The following ARID3A variants were observed in gnomAD, a reference collection of about 807,000 sequenced individuals.
ARID3A encodes AT-rich interactive domain-containing protein 3A.
Under a neutral mutation model 52.7 loss-of-function variants are expected in ARID3A, and 11 were observed. That is an observed-to-expected ratio of 0.21 (90% confidence interval 0.13 to 0.35). The LOEUF is 0.35. Ranked by LOEUF, ARID3A falls within the 10% of genes least tolerant of loss-of-function variation. The probability of loss-of-function intolerance (pLI) is 1.00; values close to 1 mark genes in which losing one functional copy is unlikely to be tolerated. For synonymous variants in ARID3A, 404 were observed against 359.4 expected (o/e 1.12, Z -1.40); for missense variants, 721 against 838.5 (o/e 0.86, Z 1.73).
rs1267593200 is a variant in ARID3A at position 960,576 on chromosome 19, C to T, written c.766+412C>T. Among the ~76,000 whole-genome samples, 1 of 152,164 alleles carries T rather than the reference C, an allele frequency of 6.6e-6. No homozygotes were observed. The highest frequency in any genetic ancestry group is 1.9e-4 in the East Asian group (1 of 5,180). On this transcript the variant is annotated intron_variant, in intron 4 of 8. Coordinates refer to ENST00000263620, the MANE Select transcript of ARID3A (RefSeq NM_005224.3). The surrounding 1 kb of genome is among the most constrained non-coding windows in gnomAD (Gnocchi z 4.3). ...CCAGGTGGGTGCAGGTGCGGCAGGACAGAAGCCCCCCGCCCGGCCGCGAGA... is the reference window on the plus strand; with the variant it reads ...CCAGGTGGGTGCAGGTGCGGCAGGATAGAAGCCCCCCGCCCGGCCGCGAGA...
chr19:931,407 G>A (rs2238572), intron 2 of ARID3A, among the ~76,000 whole-genome samples: 51,340 of 148,400 alleles, frequency 0.35, 11,027 homozygotes, highest in African/African-American at 0.59. Flanking sequence ...AGCCGAGATC[G>A]TGCCTTTGCA....
chr19:946,636 T>G (rs2037688710), intron 3 of ARID3A, among the ~76,000 whole-genome samples: 1 of 152,082 alleles, frequency 6.6e-6, no homozygotes, highest in South Asian at 2.1e-4. Flanking sequence ...AGATGGGGTT[T>G]CACCATGTTG....
chr19:932,950 G>A (rs1362788450), intron 3 of ARID3A, among the ~76,000 whole-genome samples: 1 of 152,220 alleles, frequency 6.6e-6, no homozygotes, highest in African/African-American at 2.4e-5. Flanking sequence ...GGATGTGTGA[G>A]GAGCACCCGG....
At chr19:930,701 G>C (rs2037305408) in intron 2 of ARID3A, among the ~76,000 whole-genome samples, 1 of 150,686 alleles carries the variant, frequency 6.6e-6, no homozygotes. Flanking sequence ...AGTAGAGACG[G>C]GGTTTCACCA....
chr19:953,277 A>G (rs1039550478), intron 3 of ARID3A, among the ~76,000 whole-genome samples: 1 of 152,052 alleles, frequency 6.6e-6, no homozygotes, highest in Non-Finnish European at 1.5e-5. Flanking sequence ...GAAAATCATC[A>G]ACGTTTCGCC....
At chr19:949,767 T>G (rs1486847957) in intron 3 of ARID3A, among the ~76,000 whole-genome samples, 1 of 150,126 alleles carries the variant, frequency 6.7e-6, no homozygotes, top group African/African-American at 2.5e-5. Flanking sequence ...TCTCTGCCTC[T>G]CAGGTTCAAG....
At chr19:971,835 T>G (rs1468325528) in intron 8 of ARID3A, 43 bp from the exon 9 acceptor site, 21 of 1,557,928 alleles carry the variant, frequency 1.3e-5, no homozygotes, top group Non-Finnish European at 1.7e-5. Context: ...GCCTCGCATC[T>G]TCTTAAACTC....
intron 3 of ARID3A, among the ~76,000 whole-genome samples, chr19:951,347 G>A (rs2037799701): frequency 6.6e-6 from 1 of 151,684 alleles, no homozygotes; most frequent in African/African-American, 2.4e-5. Flanking sequence ...ACAAGGTCAG[G>A]AGTTCAAGAC....
chr19:963,282 CTG>C (rs1195312130), intron 4 of ARID3A, among the ~76,000 whole-genome samples: 1 of 152,266 alleles, frequency 6.6e-6, no homozygotes, highest in African/African-American at 2.4e-5. Context: ...CCTGCCCTCA[CTG>C]GTCTTCACTG....
intron 8 of ARID3A, among the ~76,000 whole-genome samples, chr19:969,944 C>T (rs980652395): frequency 2.0e-5 from 3 of 151,948 alleles, no homozygotes; most frequent in Admixed American, 6.6e-5. Flanking sequence ...CCGCCTGCCT[C>T]GGCCTCCCAA....
rs2037965390 is a variant in ARID3A, at chr19:958,358, G to A, written c.694-1734G>A. Among the ~76,000 whole-genome samples, 5 of 143,338 alleles carry A rather than the reference G, an allele frequency of 3.5e-5. No individual in the cohort carries two copies. The South Asian group carries it at 1.1e-3, about 32-fold the overall frequency. The allele number at this position is 143,338 out of a possible 152,430, so 94.0% of individuals were successfully genotyped here. A position where few individuals can be genotyped will look rare whatever the true frequency, so the allele number is the denominator to read the frequency against. ...CAGGAGAATGGCGTGAACCCGGGAG[G>A]TGGAGCTTGCAGTGGGCCAAGATCG... On this transcript the variant is annotated intron_variant, in intron 3 of 8. Coordinates refer to ENST00000263620, the MANE Select transcript of ARID3A (RefSeq NM_005224.3).
intron 7 of ARID3A, 84 bp downstream of exon 7, chr19:966,952 C>T: frequency 7.2e-7 from 1 of 1,397,524 alleles, no homozygotes; most frequent in Middle Eastern, 2.7e-4. Context: ...GTAAAGAGTG[C>T]CAACAAATCA....
At position 941,465 on chromosome 19, in the gene ARID3A, C is replaced by T. The variant is rs548276734; in HGVS notation, c.693+8723C>T. Among the ~76,000 whole-genome samples, 9 of 152,324 alleles carry T rather than the reference C, an allele frequency of 5.9e-5. No homozygotes were observed. In the Middle Eastern group the frequency reaches 0.01, roughly 173 times the overall value. On this transcript the variant is annotated intron_variant, in intron 3 of 8. Coordinates refer to ENST00000263620, the MANE Select transcript of ARID3A (RefSeq NM_005224.3). The surrounding 1 kb of genome is among the most constrained non-coding windows in gnomAD (Gnocchi z 6.9). ...GCCTGCGTGTCCCCAGCCAGCACCA[C>T]GGTGTTCGTTTAGGTCTCTGTGTGC... is the stretch of plus-strand genomic sequence containing the variant.
rs781252359 is a variant in ARID3A at position 972,098 on chromosome 19, A to T, written c.*33A>T. 1.5e-5 allele frequency: 22 copies of T among 1,500,334 alleles called. No homozygotes were observed. The highest frequency in any genetic ancestry group is 1.8e-5 in the Non-Finnish European group (20 of 1,128,498). The allele number at this position is 1,500,334 out of a possible 1,614,324, so 92.9% of individuals were successfully genotyped here. ...ACTCCCCACCCGCCACCCACCCTGGAGCCCGCCGGCCTGGGCAGGGGGTCC... is the reference window on the plus strand; with the variant it reads ...ACTCCCCACCCGCCACCCACCCTGGTGCCCGCCGGCCTGGGCAGGGGGTCC... On this transcript the variant is annotated 3_prime_UTR_variant, in exon 9 of 9. Coordinates refer to ENST00000263620, the MANE Select transcript of ARID3A (RefSeq NM_005224.3).
intron 3 of ARID3A, among the ~76,000 whole-genome samples, chr19:935,758 C>T (rs558352271): frequency 2.0e-5 from 3 of 152,070 alleles, no homozygotes; most frequent in Admixed American, 6.5e-5. Flanking sequence ...CGTGAGCCAC[C>T]GCACCCCACC....
At chr19:948,264 G>A (rs942168127) in intron 3 of ARID3A, among the ~76,000 whole-genome samples, 1 of 151,472 alleles carries the variant, frequency 6.6e-6, no homozygotes, top group South Asian at 2.1e-4. Context: ...CACAGGAGGT[G>A]CTCAATAATG....
In ARID3A at chr19:944,809, G is replaced by C. The variant is rs1387019218; in HGVS notation, c.693+12067G>C. 6.6e-6 allele frequency among the ~76,000 whole-genome samples: 1 copy of C among 152,050 alleles called. No homozygotes were observed. Among genetic ancestry groups the C allele is most frequent in the African/African-American group, 2.4e-5 (1 of 41,400 alleles). On this transcript the variant is annotated intron_variant, in intron 3 of 8. Transcript: ENST00000263620. This position sits in a 1 kb window ranked among gnomAD's most constrained non-coding sequence, Gnocchi z 5.9. The stretch of plus-strand genomic sequence containing the variant: ...CCCGGCTAACTTCATTTTATTTTTT[G>C]GAGACAGGGTCTTGCTGCGTTGCCC...
intron 3 of ARID3A, among the ~76,000 whole-genome samples, chr19:949,362 C>T (rs567310228): frequency 4.0e-5 from 6 of 151,384 alleles, no homozygotes; most frequent in Admixed American, 2.6e-4. Context: ...GGGCCTCCGC[C>T]GTGCCAGATA....
chr19:935,272 G>A (rs752568563), intron 3 of ARID3A, among the ~76,000 whole-genome samples: 6 of 150,992 alleles, frequency 4.0e-5, no homozygotes, highest in Non-Finnish European at 7.3e-5. Context: ...GGGGCCGGGC[G>A]CAGCAGGCTC....
Sources: allele counts gnomAD v4.1 joint callset (sites outside exome capture counted in the v4.1 genomes callset), GRCh38; gene constraint gnomAD v4.1.1; non-coding constraint Gnocchi (gnomAD v3.1); transcripts MANE v1.5; gene names NCBI Gene and HGNC (gene_info 2026-07-23, HGNC 2026-07-21).